The following XKR7 variants were observed in gnomAD, a reference collection of about 807,000 sequenced individuals.
The protein encoded by XKR7 is XK related 7.
XKR7 carries 11 observed loss-of-function variants against 42.2 expected under a neutral mutation model. The observed-to-expected ratio is 0.26, with a 90% CI of 0.16 to 0.43. XKR7 has a LOEUF of 0.43. Among genes scored for constraint, XKR7 ranks in the 20% least tolerant of loss-of-function variants. The pLI, the probability that XKR7 is intolerant of heterozygous loss-of-function variation, is 1.00. For missense variants in XKR7, 710 were observed against 802.2 expected (o/e 0.89, Z 1.39); for synonymous variants, 346 against 366.4 (o/e 0.94, Z 0.64).
intron 1 of XKR7, among the ~76,000 whole-genome samples, chr20:31,988,181 A>G (rs2064551741): frequency 6.6e-6 from 1 of 152,172 alleles, no homozygotes; most frequent in South Asian, 2.1e-4. Flanking sequence ...AGGAACGAAG[A>G]ACAGGAGAGA....
At chr20:31,992,105 G>A (rs7268190) in intron 1 of XKR7, among the ~76,000 whole-genome samples, 9,560 of 151,336 alleles carry the variant, frequency 0.063, 351 homozygotes, top group Middle Eastern at 0.15. Context: ...CAACAAGAGC[G>A]AAACTCTGTC....
In XKR7 at chr20:31,999,196, G is replaced by A. The variant is rs902703659; in HGVS notation, c.*1739G>A. On this transcript the variant is annotated 3_prime_UTR_variant, in exon 3 of 3. Coordinates refer to ENST00000562532, the MANE Select transcript of XKR7 (RefSeq NM_001011718.2). The stretch of plus-strand genomic sequence containing the variant: ...GGGATGCTTAGCCCTCCCTGGTTCA[G>A]CCTCTCTTGGGTTACAGATGGGAAA... 6.6e-6 allele frequency: 1 copy of A among 152,122 alleles called. No homozygotes were observed. Among genetic ancestry groups the A allele is most frequent in the Non-Finnish European group, 1.5e-5 (1 of 68,044 alleles). The allele number at this position is 152,122 out of a possible 1,614,324, so 9.4% of individuals were successfully genotyped here.
At position 31,972,678 on chromosome 20, in the gene XKR7, G is replaced by A. The variant is rs186347468; in HGVS notation, c.584+3919G>A. 7.2e-5 allele frequency among the ~76,000 whole-genome samples: 11 copies of A among 152,336 alleles called. No individual in the cohort carries two copies. The East Asian group carries it at 1.9e-3, about 27-fold the overall frequency. On this transcript the variant is annotated intron_variant, in intron 1 of 2. Transcript: ENST00000562532. ...TGGTTTGCTAAGCCAATTAGTGGGA[G>A]ACGATCTGACATGGGATTCCTGCCA...
In XKR7 at chr20:31,998,575, A is replaced by T. The variant is rs1340957622; in HGVS notation, c.*1118A>T. The T allele has an allele frequency of 6.6e-6, 1 of 152,120 alleles. No homozygotes were observed. Among genetic ancestry groups the T allele is most frequent in the African/African-American group, 2.4e-5 (1 of 41,372 alleles). The allele number at this position is 152,120 out of a possible 1,614,324, so 9.4% of individuals were successfully genotyped here. On this transcript the variant is annotated 3_prime_UTR_variant, in exon 3 of 3. Transcript: ENST00000562532. ...AGAAGAGGTTCTAGAGCCCAGCGTG[A>T]ATGGAATTTTCTAGGAATGGGTGCT...
chr20:31,977,341 T>C (rs1041306135), intron 1 of XKR7, among the ~76,000 whole-genome samples: 6 of 152,326 alleles, frequency 3.9e-5, no homozygotes, highest in South Asian at 2.1e-4. Context: ...TTCAGAATTC[T>C]GGTGAGTTTT....
chr20:31,984,350 G>T (rs1232442498), intron 1 of XKR7, among the ~76,000 whole-genome samples: 46 of 152,166 alleles, frequency 3.0e-4, no homozygotes. Context: ...AAGGCTTGAA[G>T]AGGGCAAGGA....
At chr20:31,981,795 C>A (rs531574723) in intron 1 of XKR7, among the ~76,000 whole-genome samples, 2 of 152,314 alleles carry the variant, frequency 1.3e-5, no homozygotes, top group South Asian at 4.1e-4. Flanking sequence ...CCTTTCTTCT[C>A]CCTCCTTCTC....
intron 1 of XKR7, among the ~76,000 whole-genome samples, chr20:31,990,596 G>A (rs1272139312): frequency 6.6e-6 from 1 of 152,118 alleles, no homozygotes; most frequent in Non-Finnish European, 1.5e-5. Flanking sequence ...AGACCTTTGT[G>A]GGCACCACAT....
Position 31,998,264 on chromosome 20 carries a change from TG to T in XKR7, c.*808del, listed in dbSNP as rs1159956619. The T allele has an allele frequency of 6.6e-6, 1 of 152,180 alleles. No homozygotes were observed. Among genetic ancestry groups the T allele is most frequent in the African/African-American group, 2.4e-5 (1 of 41,428 alleles). 9.4% of individuals were successfully genotyped at this position (152,180 alleles called of 1,614,324 possible). On this transcript the variant is annotated 3_prime_UTR_variant, in exon 3 of 3. Transcript: ENST00000562532. ...TGAAATGTTTGAAGGAGCCATTTTT[TG>T]TTCTAGATGTGCACCTGGAACGTGG...
chr20:31,996,468 T>TA, intron 2 of XKR7, 37 bp from the exon 3 acceptor site: 4 of 23,064 alleles, frequency 1.7e-4, no homozygotes, highest in Admixed American at 8.5e-4. Context: ...AGCCCGCCCC[T>TA]AACCCAGCCC....
At chr20:31,992,566 A>C (rs573302767) in intron 1 of XKR7, among the ~76,000 whole-genome samples, 31 of 152,296 alleles carry the variant, frequency 2.0e-4, no homozygotes, top group African/African-American at 7.2e-4. Context: ...CCAGCATGGC[A>C]CAGGAGAGTT....
chr20:31,997,439 G>A lies in XKR7; in HGVS notation c.1722G>A (p.Glu574=). ...TGGGGACTTCCCAGGAGCTGCTGGA[G>A]TATGAGACCACAGTGTAGGCTACAG... ...RSVGTSQELL[E]YETTV is the part of the protein sequence containing the mutation. The change falls in exon 3 of 3, where the codon GAG becomes GAA. Residue 574 remains glutamate (E), a synonymous_variant. Coordinates refer to ENST00000562532, the MANE Select transcript of XKR7 (RefSeq NM_001011718.2). The A allele has an allele frequency of 2.5e-6, 4 of 1,597,712 alleles. No individual in the cohort carries two copies. The highest frequency in any genetic ancestry group is 3.4e-6 in the Non-Finnish European group (4 of 1,179,052).
intron 1 of XKR7, chr20:31,970,440 C>G (rs1437704084): frequency 6.6e-6 from 1 of 152,166 alleles, no homozygotes; most frequent in Non-Finnish European, 1.5e-5. Context: ...AGGGGAGTAG[C>G]TAGAATTGCT....
intron 1 of XKR7, among the ~76,000 whole-genome samples, chr20:31,994,107 C>A (rs1450331062): frequency 2.0e-5 from 3 of 152,182 alleles, no homozygotes; most frequent in Admixed American, 2.0e-4. Flanking sequence ...ACCTTCCTTG[C>A]ACCCTGGGGT....
intron 1 of XKR7, among the ~76,000 whole-genome samples, chr20:31,974,708 T>G (rs1568879746): frequency 6.6e-6 from 1 of 152,246 alleles, no homozygotes; most frequent in Non-Finnish European, 1.5e-5. Flanking sequence ...CTCCATCATT[T>G]TAACCCAAGT....
chr20:31,984,670 T>G (rs2064529183), intron 1 of XKR7, among the ~76,000 whole-genome samples: 1 of 152,222 alleles, frequency 6.6e-6, no homozygotes, highest in South Asian at 2.1e-4. Flanking sequence ...TAAACCCATA[T>G]AATCCCAAGT....
Position 31,998,099 on chromosome 20 carries a change from T to C in XKR7, c.*642T>C, listed in dbSNP as rs949211745. Reference sequence around the variant, plus strand: ...AAAGAACTGGGGGGGGGGTCTAGGCTGGCAGAAGCATGGAGGGGTGGAAGA... The same window carrying C: ...AAAGAACTGGGGGGGGGGTCTAGGCCGGCAGAAGCATGGAGGGGTGGAAGA... On this transcript the variant is annotated 3_prime_UTR_variant, in exon 3 of 3. Transcript: ENST00000562532. 3.1e-5 allele frequency: 2 copies of C among 64,956 alleles called. No individual in the cohort carries two copies. Among genetic ancestry groups the C allele is most frequent in the Non-Finnish European group, 5.7e-5 (2 of 35,398 alleles). 4.0% of individuals were successfully genotyped at this position (64,956 alleles called of 1,614,324 possible).
rs1479571426 is a variant in XKR7, at chr20:31,996,560, G to C, written c.843G>C (p.Gln281His). 6.9e-7 allele frequency: 1 copy of C among 1,459,412 alleles called. No homozygotes were observed. Among genetic ancestry groups the C allele is most frequent in the South Asian group, 1.3e-5 (1 of 75,092 alleles). 90.4% of individuals were successfully genotyped at this position (1,459,412 alleles called of 1,614,324 possible). A position where few individuals can be genotyped will look rare whatever the true frequency, so the allele number is the denominator to read the frequency against. The change falls in exon 3 of 3, where the codon CAG becomes CAC. Residue 281 changes from glutamine to histidine, a missense_variant. Gln to His is a conservative substitution (Grantham distance 24). Coordinates refer to ENST00000562532, the MANE Select transcript of XKR7 (RefSeq NM_001011718.2). ...TGGCCTGGACGCTGGCCTCCTACCA[G>C]AAGGTGCTGCGGGACTCGCGGGACG... The part of the protein sequence containing the change: ...VSLAWTLASY[Q>H]KVLRDSRDDK...
At position 32,002,438 on chromosome 20, in the gene XKR7, C is replaced by T. The variant is rs2064629409; in HGVS notation, c.*4981C>T. 1 of 152,154 alleles carries T rather than the reference C, an allele frequency of 6.6e-6. No individual in the cohort carries two copies. The highest frequency in any genetic ancestry group is 1.5e-5 in the Non-Finnish European group (1 of 68,062). 9.4% of individuals were successfully genotyped at this position (152,154 alleles called of 1,614,324 possible). A position where few individuals can be genotyped will look rare whatever the true frequency, so the allele number is the denominator to read the frequency against. On this transcript the variant is annotated 3_prime_UTR_variant, in exon 3 of 3. Coordinates refer to ENST00000562532, the MANE Select transcript of XKR7 (RefSeq NM_001011718.2). ...TCCTCCATCTCTCTCTCACCCAAAT[C>T]CCCCCAGATCGAATCTGACCCTTTT...
Sources: allele counts gnomAD v4.1 joint callset (sites outside exome capture counted in the v4.1 genomes callset), GRCh38; gene constraint gnomAD v4.1.1; transcripts MANE v1.5; gene names NCBI Gene and HGNC (gene_info 2026-07-23, HGNC 2026-07-21).